Variants in ZNF208 observed in about 807,000 individuals in gnomAD.
ZNF208 encodes the protein zinc finger protein 95.
A neutral mutation model predicts 12.1 loss-of-function variants in ZNF208; 10 were observed. The observed-to-expected ratio is 0.83, with a 90% CI of 0.51 to 1.40. The LOEUF (loss-of-function observed/expected upper bound fraction) is 1.40, where lower values mean the gene tolerates loss of function less well. Among genes scored for constraint, ZNF208 ranks in the 40% most tolerant of loss-of-function variants. The probability of loss-of-function intolerance (pLI) is 0.00; values close to 1 mark genes in which losing one functional copy is unlikely to be tolerated. For missense variants in ZNF208, 1,652 were observed against 1,485.0 expected, an observed-to-expected ratio of 1.11 and a Z score of -1.85; for synonymous variants, 497 against 488.4, an observed-to-expected ratio of 1.02 and a Z score of -0.23.
Position 21,967,539 on chromosome 19 carries a change from C to A in ZNF208, c.*3652G>T, listed in dbSNP as rs1267773625. ...TAGCTGGGATTACAGGCATGCACCA[C>A]CACACCTGGCTAATTTTTTACATTT... On this transcript the variant is annotated 3_prime_UTR_variant, in exon 4 of 4. Coordinates refer to ENST00000397126, the MANE Select transcript of ZNF208 (RefSeq NM_007153.3). The A allele has an allele frequency of 6.6e-6, 1 of 152,132 alleles. No homozygotes were observed. Among genetic ancestry groups the A allele is most frequent in the Non-Finnish European group, 1.5e-5 (1 of 68,050 alleles). The allele number at this position is 152,132 out of a possible 1,614,324, so 9.4% of individuals were successfully genotyped here.
intron 1 of ZNF208, among the ~76,000 whole-genome samples, chr19:22,007,739 CCT>C (rs1568459280): frequency 6.6e-6 from 1 of 152,002 alleles, no homozygotes; most frequent in African/African-American, 2.4e-5. Context: ...GGGGCTCACA[CCT>C]GCAATCCCAG....
intron 1 of ZNF208, among the ~76,000 whole-genome samples, chr19:22,005,979 TTTCTTC>T (rs1173550073): frequency 6.6e-6 from 1 of 152,102 alleles, no homozygotes; most frequent in African/African-American, 2.4e-5. Flanking sequence ...CTCTGCATAT[TTTCTTC>T]TTCTTCTCAT....
chr19:21,971,310 T>A lies in ZNF208; in HGVS notation c.3724A>T (p.Lys1242Ter). 1 of 1,610,412 alleles carries A rather than the reference T, an allele frequency of 6.2e-7. No individual in the cohort carries two copies. Among genetic ancestry groups the A allele is most frequent in the Non-Finnish European group, 8.5e-7 (1 of 1,179,424 alleles). ...KAFSTFSILT[K>*]HKVIHTGEKP... The stretch of plus-strand genomic sequence containing the variant: ...TCTCCAGTATGAATTACCTTATGTT[T>A]AGTGAGGATTGAGAACGTACTAAAG... The change falls in exon 4 of 4, where the codon AAA (lysine) becomes TAA (stop). Residue 1242 changes from lysine (K) to a stop codon, truncating the protein, a stop_gained. Transcript: ENST00000397126. LOFTEE classifies it low-confidence loss of function (END_TRUNC).
At chr19:21,960,514 A>T (rs1268907174) in intron 4 of ZNF208, among the ~76,000 whole-genome samples, 1 of 152,200 alleles carries the variant, frequency 6.6e-6, no homozygotes, top group African/African-American at 2.4e-5. Context: ...AATGCTCTTT[A>T]TTCCTTAAAA....
At chr19:21,958,081 CA>C (rs1227484063) in intron 4 of ZNF208, among the ~76,000 whole-genome samples, 1 of 151,710 alleles carries the variant, frequency 6.6e-6, no homozygotes, top group Non-Finnish European at 1.5e-5. Context: ...TGAGAATATG[CA>C]GTTTGGTTTT....
chr19:22,009,079 T>C (rs1971098563), intron 1 of ZNF208, among the ~76,000 whole-genome samples: 2 of 152,300 alleles, frequency 1.3e-5, no homozygotes, highest in African/African-American at 4.8e-5. Context: ...CAAAACATTC[T>C]GATATCTATG....
chr19:21,950,343 A>G (rs1969870625), intron 4 of ZNF208, among the ~76,000 whole-genome samples: 1 of 152,134 alleles, frequency 6.6e-6, no homozygotes, highest in African/African-American at 2.4e-5. Flanking sequence ...GAAAACAAAA[A>G]AGCCACCATA....
At chr19:21,943,206 A>G (rs1394365074) in intron 4 of ZNF208, among the ~76,000 whole-genome samples, 1 of 152,342 alleles carries the variant, frequency 6.6e-6, no homozygotes, top group African/African-American at 2.4e-5. Context: ...GTCACTTTCA[A>G]TGTTTGAGTA....
Position 21,970,671 on chromosome 19 carries a change from G to A in ZNF208, c.*520C>T, listed in dbSNP as rs779629885. On this transcript the variant is annotated 3_prime_UTR_variant, in exon 4 of 4. Transcript: ENST00000397126. Reference sequence around the variant, plus strand: ...GGTTTGAGGACTGGTTGAAGCCTTTGCCACATTCTTCTCATTTGTAGAGTT... The same window carrying A: ...GGTTTGAGGACTGGTTGAAGCCTTTACCACATTCTTCTCATTTGTAGAGTT... The A allele has an allele frequency of 1.9e-6, 2 of 1,075,548 alleles. No individual in the cohort carries two copies. The highest frequency in any genetic ancestry group is 1.6e-5 in the African/African-American group (1 of 64,070). 66.6% of individuals were successfully genotyped at this position (1,075,548 alleles called of 1,614,324 possible).
chr19:22,004,092 T>C (rs1971002372), intron 1 of ZNF208, among the ~76,000 whole-genome samples: 1 of 152,030 alleles, frequency 6.6e-6, no homozygotes, highest in Non-Finnish European at 1.5e-5. Flanking sequence ...TAGAAGAGGA[T>C]TGCTTGAGCC....
intron 3 of ZNF208, among the ~76,000 whole-genome samples, chr19:21,982,217 G>A (rs1393034217): frequency 3.3e-5 from 5 of 151,940 alleles, no homozygotes; most frequent in Admixed American, 3.3e-4. Context: ...AATTAGCCGG[G>A]CATGGTGGCA....
downstream of ZNF208, among the ~76,000 whole-genome samples, chr19:21,963,524 C>T (rs763898025): frequency 4.6e-5 from 7 of 151,884 alleles, no homozygotes; most frequent in East Asian, 3.9e-4. Flanking sequence ...GATATCTTTA[C>T]GAATGGGCAA....
chr19:21,979,297 TGAA>T (rs764642893), intron 3 of ZNF208, among the ~76,000 whole-genome samples: 15 of 151,766 alleles, frequency 9.9e-5, no homozygotes, highest in Non-Finnish European at 2.1e-4. Flanking sequence ...AAGGTTGAAA[TGAA>T]GAAAAAATGT....
At position 21,969,165 on chromosome 19, in the gene ZNF208, C is replaced by T. The variant is rs559736300; in HGVS notation, c.*2026G>A. Among the ~76,000 whole-genome samples the T allele has an allele frequency of 4.5e-4, 69 of 152,154 alleles. No homozygotes were observed. The highest frequency in any genetic ancestry group is 1.6e-3 in the African/African-American group (66 of 41,524). Reference sequence around the variant, plus strand: ...CTTTTTAGTAAACATGTTTAGTAAACATTTCTTTTTAGTTCCACTATGTTG... The same window carrying T: ...CTTTTTAGTAAACATGTTTAGTAAATATTTCTTTTTAGTTCCACTATGTTG... On this transcript the variant is annotated 3_prime_UTR_variant, in exon 4 of 4. Transcript: ENST00000397126.
At chr19:21,974,895 C>G in intron 3 of ZNF208, 88 bp from the exon 4 acceptor site, 1 of 1,401,498 alleles carries the variant, frequency 7.1e-7, no homozygotes, top group Non-Finnish European at 9.4e-7. Flanking sequence ...ATTATTCAAA[C>G]TACATAAGCA....
At chr19:21,965,919 C>T (rs970282314), downstream of ZNF208, 2 of 151,750 alleles carry the variant, frequency 1.3e-5, no homozygotes, top group African/African-American at 4.8e-5. Flanking sequence ...GTTTTACTTG[C>T]ACACTTGAAA....
At chr19:22,007,505 CAAAAAAAAAAA>C (rs58769307) in intron 1 of ZNF208, among the ~76,000 whole-genome samples, 3 of 62,558 alleles carry the variant, frequency 4.8e-5, no homozygotes, top group African/African-American at 2.4e-4. Flanking sequence ...ACTCTGTCTC[CAAAAAAAAAAA>C]AAAAAAAAAA....
intron 3 of ZNF208, among the ~76,000 whole-genome samples, chr19:21,975,731 T>C (rs1241645940): frequency 7.4e-6 from 1 of 134,976 alleles, no homozygotes; most frequent in Non-Finnish European, 1.6e-5. Context: ...GTATAGAAAA[T>C]CAGAAAAATG....
At chr19:21,953,062 A>G (rs1165526931) in intron 4 of ZNF208, among the ~76,000 whole-genome samples, 1 of 152,242 alleles carries the variant, frequency 6.6e-6, no homozygotes, top group African/African-American at 2.4e-5. Flanking sequence ...AAGAAAGGGT[A>G]CCAGTGATTG....
Sources: allele counts gnomAD v4.1 joint callset (sites outside exome capture counted in the v4.1 genomes callset), GRCh38; gene constraint gnomAD v4.1.1; transcripts MANE v1.5; gene names NCBI Gene and HGNC (gene_info 2026-07-23, HGNC 2026-07-21).